Variants in DLG2 observed in about 807,000 individuals in gnomAD.
DLG2 encodes the protein disks large homolog 2.
DLG2 carries 45 observed loss-of-function variants against 132.5 expected under a neutral mutation model. That is an observed-to-expected ratio of 0.34 (90% CI 0.27 to 0.44). The LOEUF is 0.44. Ranked by LOEUF, DLG2 falls within the 20% of genes least tolerant of loss-of-function variation. DLG2 has a pLI of 1.00. For synonymous variants in DLG2, 424 were observed against 419.6 expected (o/e 1.01, Z -0.13); for missense variants, 1,045 against 1,196.9 (o/e 0.87, Z 1.87).
At chr11:83,988,809 C>T (rs561667182) in intron 11 of DLG2, among the ~76,000 whole-genome samples, 2 of 152,200 alleles carry the variant, frequency 1.3e-5, no homozygotes, top group South Asian at 4.1e-4. Context: ...ATGCTGTCCC[C>T]TGACTATATA....
At chr11:84,346,158 C>A (rs1361389657) in intron 7 of DLG2, among the ~76,000 whole-genome samples, 2 of 152,160 alleles carry the variant, frequency 1.3e-5, no homozygotes, top group Non-Finnish European at 2.9e-5. Flanking sequence ...ACACTCTTTC[C>A]TTCAAGGCTC....
chr11:83,566,890 T>C (rs77485812), intron 19 of DLG2, among the ~76,000 whole-genome samples: 2 of 152,284 alleles, frequency 1.3e-5, no homozygotes, highest in East Asian at 1.9e-4. Flanking sequence ...AAATACTGTA[T>C]GCAAATTTCT....
In DLG2 at chr11:84,783,918, G is replaced by A. The variant is rs1164529049; in HGVS notation, c.358-249187C>T. Reference sequence around the variant, plus strand: ...TGCTTAGGTATAAGCTATGGCTAAGGGAGTTGGGAAGCAAATGGAGTTTTC... The same window carrying A: ...TGCTTAGGTATAAGCTATGGCTAAGAGAGTTGGGAAGCAAATGGAGTTTTC... On this transcript the variant is annotated intron_variant, in intron 6 of 27. Coordinates refer to ENST00000376104, the MANE Select transcript of DLG2 (RefSeq NM_001142699.3). Among the ~76,000 whole-genome samples the A allele has an allele frequency of 4.0e-5, 6 of 151,790 alleles. No homozygotes were observed. In the East Asian group the frequency reaches 7.7e-4, roughly 20 times the overall value.
At chr11:84,319,381 G>A (rs577592626) in intron 7 of DLG2, among the ~76,000 whole-genome samples, 1 of 152,306 alleles carries the variant, frequency 6.6e-6, no homozygotes, top group East Asian at 1.9e-4. Flanking sequence ...GAGAATGTCG[G>A]AAAGTGATAA....
intron 14 of DLG2, among the ~76,000 whole-genome samples, chr11:83,934,339 C>T (rs1384506228): frequency 6.6e-6 from 1 of 152,124 alleles, no homozygotes; most frequent in African/African-American, 2.4e-5. Flanking sequence ...ACCAGACTGA[C>T]TCTATCTTTA....
intron 7 of DLG2, among the ~76,000 whole-genome samples, chr11:84,312,540 C>T (rs2098298550): frequency 6.6e-6 from 1 of 152,004 alleles, no homozygotes; most frequent in South Asian, 2.1e-4. Flanking sequence ...TAAAGAGATG[C>T]AGTATTTTTT....
rs539561709 is a variant in DLG2 at position 83,885,472 on chromosome 11, T to A, written c.1497-10984A>T. On this transcript the variant is annotated intron_variant, in intron 15 of 27. Coordinates refer to ENST00000376104, the MANE Select transcript of DLG2 (RefSeq NM_001142699.3). ...GTGAAAAGACCAAATCTACATCTGA[T>A]TGGTGTACCTGAAAGTGACGAGGAG... is the stretch of plus-strand genomic sequence containing the variant. Among the ~76,000 whole-genome samples, 8 of 152,298 alleles carry A rather than the reference T, an allele frequency of 5.3e-5. No individual in the cohort carries two copies. The South Asian group carries it at 1.5e-3, about 28-fold the overall frequency.
intron 3 of DLG2, among the ~76,000 whole-genome samples, chr11:85,319,143 G>A (rs1161387769): frequency 6.6e-6 from 1 of 151,738 alleles, no homozygotes; most frequent in Non-Finnish European, 1.5e-5. Flanking sequence ...GTGAAGCTAA[G>A]CAATTTCTTT....
chr11:84,909,553 A>ACCC (rs1401446037), intron 6 of DLG2, among the ~76,000 whole-genome samples: 22 of 152,312 alleles, frequency 1.4e-4, no homozygotes, highest in Admixed American at 8.5e-4. Flanking sequence ...GCAAAAAGCA[A>ACCC]TCATTGAGTA....
intron 17 of DLG2, among the ~76,000 whole-genome samples, chr11:83,823,267 T>C (rs977593695): frequency 6.6e-6 from 1 of 152,124 alleles, no homozygotes; most frequent in African/African-American, 2.4e-5. Context: ...CCTTTATCTG[T>C]GATCAGCTGT....
chr11:83,539,785 T>C (rs2096006918), intron 20 of DLG2, among the ~76,000 whole-genome samples: 1 of 152,096 alleles, frequency 6.6e-6, no homozygotes, highest in Admixed American at 6.6e-5. Flanking sequence ...TTAAGATGGT[T>C]CTCTTCCAAA....
At chr11:83,547,588 A>C (rs953311463) in intron 19 of DLG2, among the ~76,000 whole-genome samples, 4 of 152,128 alleles carry the variant, frequency 2.6e-5, no homozygotes, top group Non-Finnish European at 5.9e-5. Flanking sequence ...TTATTAGGTT[A>C]CAGCCATCAA....
rs530745495 is a variant in DLG2, at chr11:83,522,090, C to T, written c.2193+10618G>A. Among the ~76,000 whole-genome samples the T allele has an allele frequency of 4.6e-5, 7 of 152,298 alleles. No individual in the cohort carries two copies. The South Asian group carries it at 8.3e-4, about 18-fold the overall frequency. ...GTGTGTGCCCATTGAATGGAATACT[C>T]GCTGGTCACCAGATACCCTCTATTC... On this transcript the variant is annotated intron_variant, in intron 21 of 27. Transcript: ENST00000376104.
intron 4 of DLG2, among the ~76,000 whole-genome samples, chr11:85,234,450 A>C (rs1029515504): frequency 4.6e-5 from 7 of 152,010 alleles, no homozygotes; most frequent in African/African-American, 1.4e-4. Context: ...AGTGAAATCC[A>C]GGTCATGCAA....
intron 3 of DLG2, among the ~76,000 whole-genome samples, chr11:85,470,762 A>T (rs950575099): frequency 6.6e-6 from 1 of 152,172 alleles, no homozygotes; most frequent in African/African-American, 2.4e-5. Context: ...TCATGTTACT[A>T]GATGGTTCTG....
intron 18 of DLG2, among the ~76,000 whole-genome samples, chr11:83,764,361 A>G (rs932276484): frequency 3.3e-5 from 5 of 152,230 alleles, no homozygotes; most frequent in African/African-American, 1.2e-4. Flanking sequence ...ATGGTTGTTT[A>G]ATGAATGAAT....
chr11:83,913,160 A>G (rs2076351481), intron 15 of DLG2, among the ~76,000 whole-genome samples: 1 of 152,062 alleles, frequency 6.6e-6, no homozygotes, highest in Non-Finnish European at 1.5e-5. Context: ...ACCCTGTCAG[A>G]ATATGCCCTC....
intron 7 of DLG2, among the ~76,000 whole-genome samples, chr11:84,321,686 C>G (rs1386252998): frequency 6.6e-6 from 1 of 152,078 alleles, no homozygotes; most frequent in African/African-American, 2.4e-5. Context: ...CCAAAGCCAC[C>G]GTAAATAAAC....
At chr11:85,511,664 G>A (rs929425713) in intron 3 of DLG2, among the ~76,000 whole-genome samples, 2 of 151,062 alleles carry the variant, frequency 1.3e-5, no homozygotes, top group South Asian at 2.1e-4. Context: ...AAGATTAAAT[G>A]TTTCAATTAT....
Sources: allele counts gnomAD v4.1 joint callset (sites outside exome capture counted in the v4.1 genomes callset), GRCh38; gene constraint gnomAD v4.1.1; transcripts MANE v1.5; gene names NCBI Gene and HGNC (gene_info 2026-07-23, HGNC 2026-07-21).